UGT1A9: variants seen among roughly 807,000 people sequenced by gnomAD.
The protein encoded by UGT1A9 is UDP glucuronosyltransferase family 1 member A9.
A neutral mutation model predicts 45.0 loss-of-function variants in UGT1A9; 35 were observed. That is an observed-to-expected ratio of 0.78 (90% CI 0.59 to 1.03). The LOEUF (loss-of-function observed/expected upper bound fraction) is 1.03, where lower values mean the gene tolerates loss of function less well. Ranked by LOEUF, UGT1A9 falls within the 50% of genes least tolerant of loss-of-function variation. The pLI is 0.00. For synonymous variants in UGT1A9, 278 were observed against 250.6 expected, an observed-to-expected ratio of 1.11 and a Z score of -1.03; for missense variants, 687 against 666.6, an observed-to-expected ratio of 1.03 and a Z score of -0.34.
intron 1 of UGT1A9, among the ~76,000 whole-genome samples, chr2:233,704,599 G>A (rs557882301): frequency 2.0e-5 from 3 of 152,196 alleles, no homozygotes; most frequent in African/African-American, 7.2e-5. Flanking sequence ...AGAAAGAAGA[G>A]CAAGTATGTA....
Position 233,747,654 on chromosome 2 carries a change from G to A in UGT1A9, c.856-19380G>A, listed in dbSNP as rs538867928. 1.4e-5 allele frequency: 22 copies of A among 1,591,158 alleles called. No individual in the cohort carries two copies. In the South Asian group the frequency reaches 2.4e-4, roughly 18 times the overall value. On this transcript the variant is annotated intron_variant, in intron 1 of 4. Coordinates refer to ENST00000354728, the MANE Select transcript of UGT1A9 (RefSeq NM_021027.3). ...GCACCTGAATGCTACTTCCTTCGAT[G>A]TGGTTTTAATAGACCCAATTTACCT...
At chr2:233,719,881 G>A (rs1265603009) in intron 1 of UGT1A9, among the ~76,000 whole-genome samples, 1 of 152,192 alleles carries the variant, frequency 6.6e-6, no homozygotes, top group East Asian at 1.9e-4. Flanking sequence ...AAGAGGCACG[G>A]ATGAGGGTCT....
intron 1 of UGT1A9, among the ~76,000 whole-genome samples, chr2:233,711,748 A>G (rs2076195201): frequency 6.6e-6 from 1 of 152,234 alleles, no homozygotes; most frequent in Non-Finnish European, 1.5e-5. Flanking sequence ...ACGGCCAGGC[A>G]TGTAGACACA....
chr2:233,766,947 A>G (rs749614811), intron 1 of UGT1A9, 87 bp from the exon 2 acceptor site: 24 of 1,599,406 alleles, frequency 1.5e-5, no homozygotes, highest in Non-Finnish European at 2.0e-5. Context: ...TAGTCTTAAG[A>G]GGAAGATATC....
intron 1 of UGT1A9, among the ~76,000 whole-genome samples, chr2:233,675,531 C>A (rs2074326547): frequency 6.6e-6 from 1 of 152,134 alleles, no homozygotes; most frequent in African/African-American, 2.4e-5. Context: ...TGCTTCCCCC[C>A]TTGCTGTAAG....
rs1408103062 is a variant in UGT1A9 at position 233,767,311 on chromosome 2, TTTG to T, written c.987+154_987+156del. On this transcript the variant is annotated intron_variant, in intron 2 of 4. Coordinates refer to ENST00000354728, the MANE Select transcript of UGT1A9 (RefSeq NM_021027.3). The stretch of plus-strand genomic sequence containing the variant: ...CCCAACTATTAATCCAAAGGTTTTT[TTTG>T]TTGTTGTGGTTGTTGTCATTGTTTT... 34 of 1,514,266 alleles carry T rather than the reference TTTG, an allele frequency of 2.2e-5. No homozygotes were observed. In the African/African-American group the frequency reaches 2.9e-4, roughly 13 times the overall value. The allele number at this position is 1,514,266 out of a possible 1,614,324, so 93.8% of individuals were successfully genotyped here. A position where few individuals can be genotyped will look rare whatever the true frequency, so the allele number is the denominator to read the frequency against.
At chr2:233,726,988 C>G (rs926323067) in intron 1 of UGT1A9, among the ~76,000 whole-genome samples, 1 of 152,120 alleles carries the variant, frequency 6.6e-6, no homozygotes, top group African/African-American at 2.4e-5. Context: ...TGATGAGGTT[C>G]TTTCTAGCAA....
At chr2:233,744,678 A>G (rs965177544) in intron 1 of UGT1A9, among the ~76,000 whole-genome samples, 2 of 151,880 alleles carry the variant, frequency 1.3e-5, no homozygotes, top group African/African-American at 2.4e-5. Context: ...CACATCACCC[A>G]TGTAGCTTCT....
At chr2:233,719,514 G>C (rs1307171724) in intron 1 of UGT1A9, 1 of 1,613,804 alleles carries the variant, frequency 6.2e-7, no homozygotes, top group Non-Finnish European at 8.5e-7. Context: ...TGCCCCTTAT[G>C]CAAGTCTTGC....
chr2:233,696,178 A>G (rs2075330295), intron 1 of UGT1A9, among the ~76,000 whole-genome samples: 1 of 152,242 alleles, frequency 6.6e-6, no homozygotes. Flanking sequence ...ATATATATTG[A>G]AGAGCTATCT....
chr2:233,690,702 A>G (rs1375778126), intron 1 of UGT1A9: 1 of 1,231,324 alleles, frequency 8.1e-7, no homozygotes, highest in Non-Finnish European at 1.0e-6. Context: ...CTCTTTAGGG[A>G]TCGTCATTAT....
chr2:233,677,542 GAA>G, intron 1 of UGT1A9, among the ~76,000 whole-genome samples: 1 of 152,078 alleles, frequency 6.6e-6, no homozygotes, highest in South Asian at 2.1e-4. Context: ...CTAGAGAAAA[GAA>G]AATGTTATTA....
chr2:233,719,356 A>C, intron 1 of UGT1A9: 1 of 1,613,848 alleles, frequency 6.2e-7, no homozygotes, highest in Non-Finnish European at 8.5e-7. Context: ...ATTCCATGTG[A>C]CTTAGACTTT....
intron 1 of UGT1A9, chr2:233,719,203 G>T (rs145806554): frequency 2.5e-6 from 4 of 1,614,124 alleles, no homozygotes; most frequent in Admixed American, 3.3e-5. Flanking sequence ...CATAGGTGTT[G>T]TGTGGAGCTA....
At chr2:233,713,634 C>T (rs1302996427) in intron 1 of UGT1A9, 1 of 1,613,964 alleles carries the variant, frequency 6.2e-7, no homozygotes, top group South Asian at 1.1e-5. Flanking sequence ...CAAGAACATG[C>T]TCTACCCTCT....
In UGT1A9 at chr2:233,755,096, G is replaced by A. The variant is rs62191920; in HGVS notation, c.856-11938G>A. On this transcript the variant is annotated intron_variant, in intron 1 of 4. Transcript: ENST00000354728. ...GGTCATAGATATCGCGTTTCTACGC[G>A]TCCGACAACACCTCGTAGGCCTCAG... 3.7e-6 allele frequency: 5 copies of A among 1,334,470 alleles called. No individual in the cohort carries two copies. The Admixed American group carries it at 7.6e-5, about 20-fold the overall frequency. 82.7% of individuals were successfully genotyped at this position (1,334,470 alleles called of 1,614,324 possible).
chr2:233,703,909 G>A (rs922179398), intron 1 of UGT1A9, among the ~76,000 whole-genome samples: 11 of 144,658 alleles, frequency 7.6e-5, no homozygotes, highest in African/African-American at 2.6e-4. Context: ...TTTTTTTTTT[G>A]AGACAAAATC....
At chr2:233,719,081 G>C (rs146146688) in intron 1 of UGT1A9, 13 of 1,614,146 alleles carry the variant, frequency 8.1e-6, no homozygotes, top group South Asian at 1.1e-5. Context: ...GGACCCAGAA[G>C]GAATTTGATC....
chr2:233,675,676 A>G lies in UGT1A9; in HGVS notation c.855+2887A>G, dbSNP rs28969705. Among the ~76,000 whole-genome samples the G allele has an allele frequency of 4.1e-4, 63 of 152,320 alleles. No individual in the cohort carries two copies. In the East Asian group the frequency reaches 0.011, roughly 27 times the overall value. Reference sequence around the variant, plus strand: ...CATACACAATGGAGAGACTCAGTGTAATGAGCACCCACTTATCCATTCTTA... The same window carrying G: ...CATACACAATGGAGAGACTCAGTGTGATGAGCACCCACTTATCCATTCTTA... On this transcript the variant is annotated intron_variant, in intron 1 of 4. Transcript: ENST00000354728.
Sources: gnomAD v4.1 joint callset for allele counts (sites outside exome capture counted in the v4.1 genomes callset) on GRCh38, gnomAD v4.1.1 for gene constraint, MANE v1.5 for transcripts, NCBI Gene and HGNC (gene_info 2026-07-23, HGNC 2026-07-21) for gene names.